TSPAN11: variants seen among roughly 807,000 people sequenced by gnomAD.
The protein encoded by TSPAN11 is tetraspanin-11.
In TSPAN11, 29 loss-of-function variants were observed where a neutral mutation model predicts 32.9. The ratio of observed to expected loss-of-function variants is 0.88; its 90% confidence interval spans 0.66 to 1.20. TSPAN11 has a LOEUF of 1.20. TSPAN11 is among the 50% of genes most tolerant of loss of function. TSPAN11 has a pLI of 0.00. For missense variants in TSPAN11, 283 were observed against 329.1 expected (o/e 0.86, Z 1.08); for synonymous variants, 140 against 141.3 (o/e 0.99, Z 0.07).
chr12:30,938,717 A>G (rs1344637440), intron 1 of TSPAN11, among the ~76,000 whole-genome samples: 1 of 151,932 alleles, frequency 6.6e-6, no homozygotes, highest in Non-Finnish European at 1.5e-5. Flanking sequence ...TGAATGGGTC[A>G]CCCCTGAAGC....
chr12:30,954,661 A>C (rs928703584), intron 2 of TSPAN11: 4 of 154,164 alleles, frequency 2.6e-5, no homozygotes, highest in Non-Finnish European at 5.8e-5. Flanking sequence ...GTTCCCAAAA[A>C]TAGACACTGG....
intron 3 of TSPAN11, among the ~76,000 whole-genome samples, chr12:30,977,445 C>T (rs1405733623): frequency 2.0e-5 from 3 of 152,140 alleles, no homozygotes; most frequent in South Asian, 2.1e-4. Context: ...GCCAGGTGGG[C>T]GGGCAGTGCC....
At chr12:30,987,621 C>A (rs1311364588) in intron 7 of TSPAN11, among the ~76,000 whole-genome samples, 3 of 152,094 alleles carry the variant, frequency 2.0e-5, no homozygotes, top group Non-Finnish European at 4.4e-5. Flanking sequence ...AAAAAATACC[C>A]CAGGCCTGGG....
the TSPAN11 span, among the ~76,000 whole-genome samples, chr12:31,002,183 T>A: frequency 6.6e-6 from 1 of 151,838 alleles, no homozygotes; most frequent in African/African-American, 2.4e-5. This position sits in a 1 kb window ranked among gnomAD's most constrained non-coding sequence, Gnocchi z 4.8. Flanking sequence ...AGACACAGAG[T>A]GGTCTCTGCA....
At chr12:31,000,298 C>A (rs1456859944), downstream of TSPAN11, among the ~76,000 whole-genome samples, 1 of 152,232 alleles carries the variant, frequency 6.6e-6, no homozygotes, top group Non-Finnish European at 1.5e-5. Flanking sequence ...CACCTCGATA[C>A]ACCAACTCCC....
intron 7 of TSPAN11, among the ~76,000 whole-genome samples, chr12:30,985,968 C>G (rs939018493): frequency 1.3e-5 from 2 of 152,252 alleles, no homozygotes; most frequent in South Asian, 2.1e-4. Flanking sequence ...CTGTGGCCCA[C>G]TGAGCCAGCC....
rs148910709 is a variant in TSPAN11 at position 30,974,336 on chromosome 12, G to A, written c.277-4225G>A. 3.7e-4 allele frequency among the ~76,000 whole-genome samples: 56 copies of A among 152,318 alleles called. No homozygotes were observed. In the East Asian group the frequency reaches 9.7e-3, roughly 26 times the overall value. ...TTTGTGCCAGATAATTCTTCACTGC[G>A]GGAGACTGCCCTGCACCCAGTGGGA... is the stretch of plus-strand genomic sequence containing the variant. On this transcript the variant is annotated intron_variant, in intron 3 of 7. Coordinates refer to ENST00000546076, the MANE Select transcript of TSPAN11 (RefSeq NM_001370302.1).
Position 30,975,663 on chromosome 12 carries a change from G to A in TSPAN11, c.277-2898G>A, listed in dbSNP as rs139879047. Among the ~76,000 whole-genome samples, 20 of 152,052 alleles carry A rather than the reference G, an allele frequency of 1.3e-4. No individual in the cohort carries two copies. Among genetic ancestry groups the A allele is most frequent in the Non-Finnish European group, 2.1e-4 (14 of 67,974 alleles). ...CCCCATCCTCCCTGTTCCCCACCCCGTCTTCAATAGTAACTGGGGCAGTGG... is the reference window on the plus strand; with the variant it reads ...CCCCATCCTCCCTGTTCCCCACCCCATCTTCAATAGTAACTGGGGCAGTGG... On this transcript the variant is annotated intron_variant, in intron 3 of 7. Transcript: ENST00000546076. This position sits in a 1 kb window ranked among gnomAD's most constrained non-coding sequence, Gnocchi z 4.5.
intron 1 of TSPAN11, among the ~76,000 whole-genome samples, chr12:30,949,711 C>T (rs941691376): frequency 7.2e-5 from 11 of 152,156 alleles, no homozygotes; most frequent in Non-Finnish European, 1.6e-4. Flanking sequence ...CTAGCTGCTT[C>T]CCTCCTGGCC....
chr12:31,013,590 A>AACAAAACAAAAC, the TSPAN11 span, among the ~76,000 whole-genome samples: 3 of 147,228 alleles, frequency 2.0e-5, no homozygotes, highest in African/African-American at 7.6e-5. Flanking sequence ...TCCTGTCTCA[A>AACAAAACAAAAC]AAAACAAAAC....
At chr12:30,960,499 C>T (rs1375683254) in intron 2 of TSPAN11, among the ~76,000 whole-genome samples, 1 of 152,030 alleles carries the variant, frequency 6.6e-6, no homozygotes, top group African/African-American at 2.4e-5. Flanking sequence ...CCTACATTTA[C>T]TTTTATACCC....
At chr12:30,982,830 G>A in intron 6 of TSPAN11, 140 bp downstream of exon 6, 2 of 1,307,114 alleles carry the variant, frequency 1.5e-6, no homozygotes, top group Non-Finnish European at 2.1e-6. Context: ...CACAGTGTCT[G>A]GGGCTTTCCA....
chr12:30,926,868 C>G, intron 1 of TSPAN11, 72 bp downstream of exon 1: 1 of 1,172,310 alleles, frequency 8.5e-7, no homozygotes, highest in South Asian at 1.4e-5. Flanking sequence ...GAGGCGCCTC[C>G]ACCTCCGCTG....
intron 2 of TSPAN11, chr12:30,954,337 G>A: frequency 4.1e-6 from 2 of 487,694 alleles, no homozygotes; most frequent in South Asian, 4.7e-5. Context: ...TAGGCTTTGT[G>A]TTCTAGCCCT....
intron 3 of TSPAN11, among the ~76,000 whole-genome samples, chr12:30,964,500 A>G (rs1938688035): frequency 6.6e-6 from 1 of 151,892 alleles, no homozygotes; most frequent in Admixed American, 6.6e-5. Flanking sequence ...GCAAAAATAA[A>G]GAGTGTTTTT....
chr12:30,994,506 G>A lies in TSPAN11; in HGVS notation c.*2591G>A, dbSNP rs35069. 0.085 allele frequency: 12,901 copies of A among 152,292 alleles called. 610 individuals carry two copies. Among genetic ancestry groups the A allele is most frequent in the South Asian group, 0.14 (694 of 4,824 alleles). The allele number at this position is 152,292 out of a possible 1,614,324, so 9.4% of individuals were successfully genotyped here. On this transcript the variant is annotated 3_prime_UTR_variant, in exon 8 of 8. Coordinates refer to ENST00000546076, the MANE Select transcript of TSPAN11 (RefSeq NM_001370302.1). The stretch of plus-strand genomic sequence containing the variant: ...CTCCATGCTGCCCTTCCCTGAGCTC[G>A]CAGGGGCAGACACCAAGAGAAGGGC...
Position 30,991,847 on chromosome 12 carries a change from A to T in TSPAN11, c.703-9A>T. 6.2e-7 allele frequency: 1 copy of T among 1,613,954 alleles called. No homozygotes were observed. The highest frequency in any genetic ancestry group is 1.1e-5 in the South Asian group (1 of 91,066). The stretch of plus-strand genomic sequence containing the variant: ...TTCTCTTTGCTCCTCTGCTCTCTCC[A>T]CCTGGCAGATCTGCGGGATGGTTCT... On this transcript the variant is annotated splice_polypyrimidine_tract_variant and intron_variant, in intron 7 of 7. Transcript: ENST00000546076.
rs1009371733 is a variant in TSPAN11, at chr12:30,992,690, C to T, written c.*775C>T. 4 of 152,456 alleles carry T rather than the reference C, an allele frequency of 2.6e-5. No homozygotes were observed. Among genetic ancestry groups the T allele is most frequent in the African/African-American group, 9.6e-5 (4 of 41,574 alleles). The allele number at this position is 152,456 out of a possible 1,614,324, so 9.4% of individuals were successfully genotyped here. A position where few individuals can be genotyped will look rare whatever the true frequency, so the allele number is the denominator to read the frequency against. The stretch of plus-strand genomic sequence containing the variant: ...CTAGTGATACGCCCCTCGGGAATCT[C>T]CTGTTCCGGGGCCTGATTCTCAGGA... On this transcript the variant is annotated 3_prime_UTR_variant, in exon 8 of 8. Coordinates refer to ENST00000546076, the MANE Select transcript of TSPAN11 (RefSeq NM_001370302.1).
intron 3 of TSPAN11, among the ~76,000 whole-genome samples, chr12:30,964,936 G>T (rs1285070490): frequency 6.6e-6 from 1 of 152,144 alleles, no homozygotes; most frequent in Non-Finnish European, 1.5e-5. Context: ...TTTTCAGCAG[G>T]TGGGACAGGT....
Sources: gnomAD v4.1 joint callset for allele counts (sites outside exome capture counted in the v4.1 genomes callset) on GRCh38, gnomAD v4.1.1 for gene constraint, Gnocchi (gnomAD v3.1) non-coding constraint, MANE v1.5 for transcripts, NCBI Gene and HGNC (gene_info 2026-07-23, HGNC 2026-07-21) for gene names.